The following CNTN5 variants were observed in gnomAD, a reference collection of about 807,000 sequenced individuals.
The protein encoded by CNTN5 is contactin 5.
In CNTN5, 77 loss-of-function variants were observed where a neutral mutation model predicts 129.1. The ratio of observed to expected loss-of-function variants is 0.60; its 90% CI spans 0.50 to 0.72. The LOEUF (loss-of-function observed/expected upper bound fraction) is 0.72, where lower values mean the gene tolerates loss of function less well. Ranked by LOEUF, CNTN5 falls within the 30% of genes least tolerant of loss-of-function variation. The probability of loss-of-function intolerance (pLI) is 0.00; values close to 1 mark genes in which losing one functional copy is unlikely to be tolerated. For missense variants in CNTN5, 1,478 were observed against 1,328.8 expected, an observed-to-expected ratio of 1.11 and a Z score of -1.75; for synonymous variants, 509 against 465.6, an observed-to-expected ratio of 1.09 and a Z score of -1.20.
At chr11:100,041,185 G>T (rs1313751385) in intron 9 of CNTN5, among the ~76,000 whole-genome samples, 1 of 151,996 alleles carries the variant, frequency 6.6e-6, no homozygotes, top group East Asian at 1.9e-4. Context: ...ATAGACTACT[G>T]ACTCTTCCTA....
chr11:99,125,792 C>T (rs1858596170), intron 1 of CNTN5, among the ~76,000 whole-genome samples: 1 of 152,094 alleles, frequency 6.6e-6, no homozygotes, highest in Admixed American at 6.6e-5. Context: ...TTTTAATAGT[C>T]TTCTATGTTT....
At chr11:100,256,353 G>A (rs577369495) in intron 17 of CNTN5, among the ~76,000 whole-genome samples, 2 of 152,232 alleles carry the variant, frequency 1.3e-5, no homozygotes, top group African/African-American at 4.8e-5. Flanking sequence ...GTTTTAGTGT[G>A]TACTTATATG....
chr11:99,575,014 G>C (rs1949298646), intron 3 of CNTN5, among the ~76,000 whole-genome samples: 1 of 152,140 alleles, frequency 6.6e-6, no homozygotes, highest in African/African-American at 2.4e-5. Flanking sequence ...TGAATTGTGG[G>C]ACTTTGGAGA....
chr11:99,243,799 CTA>C (rs1341368843), intron 1 of CNTN5, among the ~76,000 whole-genome samples: 1 of 129,232 alleles, frequency 7.7e-6, no homozygotes, highest in African/African-American at 3.0e-5. Context: ...TCTGGGTTGT[CTA>C]TGCTGTTCTA....
rs1341563867 is a variant in CNTN5, at chr11:99,554,065, T to A, written c.-70-2080T>A. On this transcript the variant is annotated intron_variant, in intron 2 of 24. Transcript: ENST00000524871. ...AAATAAGTTATTTTAGAAATCAAAT[T>A]CAGTGTACCATTTATATTTGAGAGT... is the stretch of plus-strand genomic sequence containing the variant. Among the ~76,000 whole-genome samples, 3 of 151,796 alleles carry A rather than the reference T, an allele frequency of 2.0e-5. No homozygotes were observed. The South Asian group carries it at 6.2e-4, about 31-fold the overall frequency.
chr11:100,063,635 G>A (rs1943570933), intron 10 of CNTN5, among the ~76,000 whole-genome samples: 2 of 149,814 alleles, frequency 1.3e-5, no homozygotes. Flanking sequence ...AAGTATCTTG[G>A]TAACTAGGTG....
At chr11:100,244,017 T>C (rs1949792748) in intron 16 of CNTN5, among the ~76,000 whole-genome samples, 1 of 152,176 alleles carries the variant, frequency 6.6e-6, no homozygotes, top group Non-Finnish European at 1.5e-5. Flanking sequence ...ATTCTCATTA[T>C]TTACTTTTCC....
At chr11:99,517,315 T>C (rs1260761637) in intron 2 of CNTN5, among the ~76,000 whole-genome samples, 2 of 152,096 alleles carry the variant, frequency 1.3e-5, no homozygotes, top group Non-Finnish European at 2.9e-5. Context: ...ACCTCTTTCC[T>C]GGACTCTTCC....
chr11:100,333,060 G>A (rs904045256), intron 21 of CNTN5, among the ~76,000 whole-genome samples: 9 of 151,928 alleles, frequency 5.9e-5, no homozygotes, highest in African/African-American at 1.2e-4. Context: ...CTCCTAGAAC[G>A]GATAAATGAA....
At chr11:99,151,294 A>T (rs562538748) in intron 1 of CNTN5, among the ~76,000 whole-genome samples, 1 of 151,970 alleles carries the variant, frequency 6.6e-6, no homozygotes, top group African/African-American at 2.4e-5. Context: ...GTGTGCATGC[A>T]CTCTTGTGTG....
chr11:100,134,004 C>T lies in CNTN5; in HGVS notation c.1581-57122C>T, dbSNP rs537768003. Among the ~76,000 whole-genome samples the T allele has an allele frequency of 1.2e-4, 18 of 151,676 alleles. No homozygotes were observed. In the East Asian group the frequency reaches 2.5e-3, roughly 21 times the overall value. On this transcript the variant is annotated intron_variant, in intron 13 of 24. Coordinates refer to ENST00000524871, the MANE Select transcript of CNTN5 (RefSeq NM_014361.4). The stretch of plus-strand genomic sequence containing the variant: ...CAGCAGGTGAAATGTCAGAAAATAA[C>T]GAAGGATTGCCAGGATAGAAATCAG...
At chr11:99,777,865 C>T (rs996235418) in intron 3 of CNTN5, among the ~76,000 whole-genome samples, 3 of 151,816 alleles carry the variant, frequency 2.0e-5, no homozygotes, top group Non-Finnish European at 4.4e-5. Flanking sequence ...ACTCCATCCA[C>T]AGTTGTTATA....
chr11:99,866,604 T>A (rs117331063), intron 6 of CNTN5, among the ~76,000 whole-genome samples: 56 of 152,330 alleles, frequency 3.7e-4, no homozygotes, highest in Non-Finnish European at 7.4e-4. Context: ...ATCTTGTGAC[T>A]CCAAGCCACT....
At chr11:99,119,928 T>C (rs1858226118) in intron 1 of CNTN5, among the ~76,000 whole-genome samples, 1 of 152,174 alleles carries the variant, frequency 6.6e-6, no homozygotes, top group Admixed American at 6.6e-5. Flanking sequence ...TGTCTTCTTT[T>C]GAAAAGTATT....
rs182471459 is a variant in CNTN5, at chr11:99,680,733, C to T, written c.55+124464C>T. On this transcript the variant is annotated intron_variant, in intron 3 of 24. Coordinates refer to ENST00000524871, the MANE Select transcript of CNTN5 (RefSeq NM_014361.4). ...TCAGAAGGTTTTTACCTTACTTTGC[C>T]CAGGAATATTAGAAGAATCACCGGC... 5.9e-5 allele frequency among the ~76,000 whole-genome samples: 9 copies of T among 151,664 alleles called. No homozygotes were observed. The East Asian group carries it at 1.8e-3, about 30-fold the overall frequency.
At chr11:99,723,807 TTAAA>T (rs1337461928) in intron 3 of CNTN5, among the ~76,000 whole-genome samples, 9 of 152,130 alleles carry the variant, frequency 5.9e-5, no homozygotes, top group Admixed American at 3.3e-4. Context: ...TGTGTTTTGT[TTAAA>T]TAATGTTATG....
chr11:99,408,538 T>TGG (rs10625300), intron 2 of CNTN5, among the ~76,000 whole-genome samples: 1 of 150,706 alleles, frequency 6.6e-6, no homozygotes, highest in African/African-American at 2.4e-5. Flanking sequence ...CTCAATATGT[T>TGG]GCCTGGGCTG....
rs148819604 is a variant in CNTN5, at chr11:99,744,853, GAGA to G, written c.56-74686_56-74684del. On this transcript the variant is annotated intron_variant, in intron 3 of 24. Transcript: ENST00000524871. ...GTAAAGCACATACTATGTAGGGAAA[GAGA>G]AGAATAGTTGGCTTATCTGCCAATG... Among the ~76,000 whole-genome samples, 1,319 of 152,256 alleles carry G rather than the reference GAGA, an allele frequency of 8.7e-3. 18 individuals carry two copies. Among genetic ancestry groups the G allele is most frequent in the African/African-American group, 0.03 (1,260 of 41,552 alleles).
chr11:100,195,410 G>T (rs1948612334), intron 15 of CNTN5, among the ~76,000 whole-genome samples: 1 of 151,912 alleles, frequency 6.6e-6, no homozygotes. Flanking sequence ...TCATTCATTT[G>T]TATCAATAAA....
Sources: allele counts gnomAD v4.1 joint callset (sites outside exome capture counted in the v4.1 genomes callset), GRCh38; gene constraint gnomAD v4.1.1; transcripts MANE v1.5; gene names NCBI Gene and HGNC (gene_info 2026-07-23, HGNC 2026-07-21).